Variants in WDR89 observed in about 807,000 individuals in gnomAD.
The protein encoded by WDR89 is WD repeat-containing protein 89.
A neutral mutation model predicts 29.1 loss-of-function variants in WDR89; 17 were observed. The ratio of observed to expected loss-of-function variants is 0.58; its 90% CI spans 0.40 to 0.88. WDR89 has a LOEUF of 0.88. WDR89 is among the 40% of genes least tolerant of loss of function. The pLI, the probability that WDR89 is intolerant of heterozygous loss-of-function variation, is 0.00. For synonymous variants in WDR89, 138 were observed against 157.8 expected (o/e 0.87, Z 0.94); for missense variants, 396 against 456.3 (o/e 0.87, Z 1.20).
chr14:63,603,748 G>A (rs981414862), intron 2 of WDR89, among the ~76,000 whole-genome samples: 3 of 152,246 alleles, frequency 2.0e-5, no homozygotes, highest in East Asian at 1.9e-4. Context: ...GAGAAACTCC[G>A]TGGAAGCATT....
intron 2 of WDR89, among the ~76,000 whole-genome samples, chr14:63,624,465 CA>C (rs78411191): frequency 1.4e-3 from 80 of 57,916 alleles, no homozygotes; most frequent in Admixed American, 2.1e-3. Flanking sequence ...GAGACCCTGT[CA>C]AAAAAAAAAA....
intron 2 of WDR89, among the ~76,000 whole-genome samples, chr14:63,602,736 C>A (rs1221377964): frequency 1.3e-5 from 2 of 149,504 alleles, no homozygotes; most frequent in Admixed American, 6.7e-5. Context: ...CGCGCCGTTG[C>A]ACTCCATCCT....
chr14:63,601,896 T>G, intron 2 of WDR89: 1 of 542,868 alleles, frequency 1.8e-6, no homozygotes, highest in South Asian at 2.6e-5. Context: ...GTAAATAATT[T>G]CCATATTTCT....
chr14:63,626,809 A>G (rs28707240), intron 1 of WDR89, among the ~76,000 whole-genome samples: 13,734 of 151,270 alleles, frequency 0.091, 1,266 homozygotes, highest in African/African-American at 0.23. Context: ...ATGGGGTGTC[A>G]GGAAATGGGC....
At chr14:63,634,162 G>T (rs1331734477) in intron 1 of WDR89, among the ~76,000 whole-genome samples, 1 of 152,100 alleles carries the variant, frequency 6.6e-6, no homozygotes, top group Non-Finnish European at 1.5e-5. Flanking sequence ...CGAGGCAGGT[G>T]TATCACTTCA....
intron 1 of WDR89, among the ~76,000 whole-genome samples, chr14:63,625,292 G>A (rs1882959776): frequency 6.6e-6 from 1 of 152,168 alleles, no homozygotes; most frequent in South Asian, 2.1e-4. Context: ...CTGAGGTTGT[G>A]GGGAGGCCAT....
chr14:63,637,451 T>C (rs531662330), intron 1 of WDR89, among the ~76,000 whole-genome samples: 1 of 152,334 alleles, frequency 6.6e-6, no homozygotes, highest in Admixed American at 6.5e-5. Flanking sequence ...TTGAAAAAGA[T>C]ACTTGCACAC....
In WDR89 at chr14:63,628,621, G is replaced by A. The variant is rs1448687298; in HGVS notation, c.-137-3588C>T. On this transcript the variant is annotated intron_variant, in intron 1 of 2. Coordinates refer to ENST00000620954, the MANE Select transcript of WDR89 (RefSeq NM_080666.4). ...AATGCAAATCTCTGGAGAAGTAGCT[G>A]TGATCCTAGCAATTTGATGTCAACC... Among the ~76,000 whole-genome samples, 6 of 152,146 alleles carry A rather than the reference G, an allele frequency of 3.9e-5. No homozygotes were observed. In the East Asian group the frequency reaches 9.6e-4, roughly 24 times the overall value.
At chr14:63,614,304 T>C (rs935697125) in intron 2 of WDR89, among the ~76,000 whole-genome samples, 21 of 151,248 alleles carry the variant, frequency 1.4e-4, no homozygotes, top group Middle Eastern at 3.4e-3. Flanking sequence ...CTTTCTTTTC[T>C]TTTTTTCTTT....
intron 2 of WDR89, among the ~76,000 whole-genome samples, chr14:63,616,904 T>C (rs1159803348): frequency 1.3e-5 from 2 of 151,894 alleles, no homozygotes; most frequent in Non-Finnish European, 1.5e-5. Flanking sequence ...CTAACAGAAG[T>C]GGCTGGATGT....
At chr14:63,627,170 T>G (rs1566798765) in intron 1 of WDR89, among the ~76,000 whole-genome samples, 1 of 148,924 alleles carries the variant, frequency 6.7e-6, no homozygotes, top group African/African-American at 2.5e-5. Context: ...TCTCTCTCTC[T>G]CTCTCTCTCT....
At chr14:63,622,313 C>A (rs1026849134) in intron 2 of WDR89, among the ~76,000 whole-genome samples, 22 of 152,276 alleles carry the variant, frequency 1.4e-4, no homozygotes, top group African/African-American at 4.8e-4. Flanking sequence ...GGCGTGGTGG[C>A]TCATGCCTGT....
At chr14:63,631,735 GA>G (rs1883416084) in intron 1 of WDR89, among the ~76,000 whole-genome samples, 1 of 152,044 alleles carries the variant, frequency 6.6e-6, no homozygotes, top group Non-Finnish European at 1.5e-5. Context: ...GCACTGACTC[GA>G]TTTGGAAGCA....
intron 1 of WDR89, among the ~76,000 whole-genome samples, chr14:63,633,372 A>C (rs1388110833): frequency 6.6e-6 from 1 of 152,128 alleles, no homozygotes; most frequent in African/African-American, 2.4e-5. Flanking sequence ...ATGATTTTTA[A>C]AATTTCCACT....
At chr14:63,607,280 A>T (rs1311302801) in intron 2 of WDR89, among the ~76,000 whole-genome samples, 4 of 152,016 alleles carry the variant, frequency 2.6e-5, no homozygotes, top group Non-Finnish European at 5.9e-5. Flanking sequence ...CTCCTGCCTC[A>T]GCCTCCCAAG....
chr14:63,631,418 T>G (rs1448800890), intron 1 of WDR89, among the ~76,000 whole-genome samples: 1 of 152,056 alleles, frequency 6.6e-6, no homozygotes, highest in Non-Finnish European at 1.5e-5. Flanking sequence ...CAGGCTGGAG[T>G]GCAGTGGTGC....
chr14:63,602,215 C>T (rs1456006670), intron 2 of WDR89, among the ~76,000 whole-genome samples: 1 of 152,158 alleles, frequency 6.6e-6, no homozygotes, highest in Non-Finnish European at 1.5e-5. Context: ...TGGCTCATGC[C>T]TGTAATCCCA....
At chr14:63,631,261 T>C (rs1883381637) in intron 1 of WDR89, among the ~76,000 whole-genome samples, 1 of 152,188 alleles carries the variant, frequency 6.6e-6, no homozygotes, top group Non-Finnish European at 1.5e-5. Flanking sequence ...AAAGAGATAA[T>C]GGAGTTCCCA....
rs1178150814 is a variant in WDR89, at chr14:63,625,060, G to C, written c.-137-27C>G. On this transcript the variant is annotated intron_variant, in intron 1 of 2. Transcript: ENST00000620954. The stretch of plus-strand genomic sequence containing the variant: ...TAGAAAAAAACAGAAATACGGGTAA[G>C]CTTAAGCACAAAAAAATAAACAACA... The C allele has an allele frequency of 3.3e-5, 5 of 151,956 alleles. No individual in the cohort carries two copies. In the East Asian group the frequency reaches 7.7e-4, roughly 23 times the overall value. The allele number at this position is 151,956 out of a possible 1,614,324, so 9.4% of individuals were successfully genotyped here.
Sources: gnomAD v4.1 joint callset for allele counts (sites outside exome capture counted in the v4.1 genomes callset) on GRCh38, gnomAD v4.1.1 for gene constraint, MANE v1.5 for transcripts, NCBI Gene and HGNC (gene_info 2026-07-23, HGNC 2026-07-21) for gene names.